DPP9: variants seen among roughly 807,000 people sequenced by gnomAD.
DPP9 encodes the protein dipeptidyl peptidase 9.
DPP9 carries 50 observed loss-of-function variants against 110.7 expected under a neutral mutation model. That is an observed-to-expected ratio of 0.45 (90% CI 0.36 to 0.57). The LOEUF is 0.57. Among genes scored for constraint, DPP9 ranks in the 20% least tolerant of loss-of-function variants. DPP9 has a pLI of 0.00. For missense variants in DPP9, 1,022 were observed against 1,217.9 expected (o/e 0.84, Z 2.39); for synonymous variants, 561 against 514.4 (o/e 1.09, Z -1.23).
chr19:4,708,014 A>C (rs2092671506), intron 4 of DPP9, among the ~76,000 whole-genome samples: 1 of 152,016 alleles, frequency 6.6e-6, no homozygotes, highest in Non-Finnish European at 1.5e-5. Flanking sequence ...TGCCATTTTT[A>C]TTTCTTGTTA....
rs537965740 is a variant in DPP9, at chr19:4,698,740, C to T, written c.1075-1089G>A. Among the ~76,000 whole-genome samples, 52 of 152,124 alleles carry T rather than the reference C, an allele frequency of 3.4e-4. No individual in the cohort carries two copies. Among genetic ancestry groups the T allele is most frequent in the African/African-American group, 1.2e-3 (50 of 41,508 alleles). The stretch of plus-strand genomic sequence containing the variant: ...ACTCCAGCCTAGACGACAGTGAGAC[C>T]CTGTCTCAAAAAACAAGAACAAACA... On this transcript the variant is annotated intron_variant, in intron 10 of 21. Transcript: ENST00000262960. This position sits in a 1 kb window ranked among gnomAD's most constrained non-coding sequence, Gnocchi z 4.2.
In DPP9 at chr19:4,687,493, G is replaced by A. The variant is rs2090875009; in HGVS notation, c.1885+1264C>T. ...CTGGAACCCGGAGTCACCAATGCAG[G>A]GTCCTGGCCAACTTCCAGGTTCTGG... On this transcript the variant is annotated intron_variant, in intron 16 of 21. Coordinates refer to ENST00000262960, the MANE Select transcript of DPP9 (RefSeq NM_139159.5). The surrounding 1 kb of genome is among the most constrained non-coding windows in gnomAD (Gnocchi z 4.7). Among the ~76,000 whole-genome samples, 1 of 152,208 alleles carries A rather than the reference G, an allele frequency of 6.6e-6. No homozygotes were observed. The highest frequency in any genetic ancestry group is 6.5e-5 in the Admixed American group (1 of 15,280).
chr19:4,684,333 TGA>T lies in DPP9; in HGVS notation c.2178+328_2178+329del. On this transcript the variant is annotated intron_variant, in intron 18 of 21. Transcript: ENST00000262960. The surrounding 1 kb of genome is among the most constrained non-coding windows in gnomAD (Gnocchi z 4.8). ...TTGGACCTCCCAGCCTCCAGAACTGTGAGAGATTTTCGTTCTTTATAAATCCC... is the reference window on the plus strand; with the variant it reads ...TTGGACCTCCCAGCCTCCAGAACTGTGAGATTTTCGTTCTTTATAAATCCC... 1 of 339,222 alleles carries T rather than the reference TGA, an allele frequency of 2.9e-6. No homozygotes were observed. 21.0% of individuals were successfully genotyped at this position (339,222 alleles called of 1,614,324 possible).
Position 4,695,362 on chromosome 19 carries a change from C to A in DPP9, c.1353+16G>T. The A allele has an allele frequency of 6.5e-7, 1 of 1,544,976 alleles. No homozygotes were observed. The highest frequency in any genetic ancestry group is 8.7e-7 in the Non-Finnish European group (1 of 1,144,450). ...AGGGCCCAGGCGGGCATACAGCCAG[C>A]GCTTGCCCCGCTTACATTGATCCAG... On this transcript the variant is annotated intron_variant, in intron 12 of 21. Transcript: ENST00000262960. This position sits in a 1 kb window ranked among gnomAD's most constrained non-coding sequence, Gnocchi z 4.7.
chr19:4,679,070 C>T (rs1022157749), intron 21 of DPP9, among the ~76,000 whole-genome samples: 3 of 130,402 alleles, frequency 2.3e-5, no homozygotes, highest in African/African-American at 9.9e-5. Flanking sequence ...TTACTGAGGG[C>T]CCCCCCTCCT....
At position 4,700,985 on chromosome 19, in the gene DPP9, G is replaced by A. The variant is rs890205707; in HGVS notation, c.1013-708C>T. ...CTGACTTAGCTCATTTGCAGTGGGA[G>A]TTGGAAAGACCGTACAGGAAGCTTC... On this transcript the variant is annotated intron_variant, in intron 9 of 21. Transcript: ENST00000262960. This position sits in a 1 kb window ranked among gnomAD's most constrained non-coding sequence, Gnocchi z 4.3. 8.5e-5 allele frequency among the ~76,000 whole-genome samples: 13 copies of A among 152,190 alleles called. No homozygotes were observed. Among genetic ancestry groups the A allele is most frequent in the African/African-American group, 3.1e-4 (13 of 41,450 alleles).
chr19:4,712,464 T>C (rs897526728), intron 4 of DPP9, among the ~76,000 whole-genome samples: 1 of 151,970 alleles, frequency 6.6e-6, no homozygotes, highest in Non-Finnish European at 1.5e-5. Flanking sequence ...GTTGGGATGA[T>C]CACCTGAGCC....
At chr19:4,717,197 C>G (rs962315095) in intron 3 of DPP9, among the ~76,000 whole-genome samples, 1 of 152,200 alleles carries the variant, frequency 6.6e-6, no homozygotes, top group Non-Finnish European at 1.5e-5. Context: ...TTCAGCTCCT[C>G]CTGAGACAGA....
chr19:4,697,600 G>A lies in DPP9; in HGVS notation c.1126C>T (p.Pro376Ser). The part of the protein sequence containing the change: ...ELVQPFSSLF[P>S]KVEYIARAGW... ...GCCCTGGCGATGTACTCCACCTTCG[G>A]GAACAGCGAGCTGAAGGGCTGCACC... is the stretch of plus-strand genomic sequence containing the variant. Residue 376 changes from proline to serine, a missense_variant, in exon 11 of 22, where the codon CCG becomes TCG. By Grantham distance (74) the Pro-to-Ser change is moderately conservative (BLOSUM62 -1). Transcript: ENST00000262960. 1 of 1,613,904 alleles carries A rather than the reference G, an allele frequency of 6.2e-7. No individual in the cohort carries two copies. Among genetic ancestry groups the A allele is most frequent in the Non-Finnish European group, 8.5e-7 (1 of 1,179,860 alleles).
chr19:4,722,269 TC>T (rs1403278405), intron 2 of DPP9: 6 of 526,906 alleles, frequency 1.1e-5, no homozygotes, highest in Non-Finnish European at 1.7e-5. Context: ...CCCCTTCCTC[TC>T]CTCAAAGCCT....
Position 4,700,385 on chromosome 19 carries a change from A to C in DPP9, c.1013-108T>G. 1 of 811,576 alleles carries C rather than the reference A, an allele frequency of 1.2e-6. No individual in the cohort carries two copies. 50.3% of individuals were successfully genotyped at this position (811,576 alleles called of 1,614,324 possible). On this transcript the variant is annotated intron_variant, in intron 9 of 21. Coordinates refer to ENST00000262960, the MANE Select transcript of DPP9 (RefSeq NM_139159.5). The surrounding 1 kb of genome is among the most constrained non-coding windows in gnomAD (Gnocchi z 4.3). ...GGTGACGTCCACAGAGAGGTGTACA[A>C]TTGGAGTGGGGGAGGCAGGAGAAGC...
intron 4 of DPP9, among the ~76,000 whole-genome samples, chr19:4,712,251 C>G (rs1024928785): frequency 6.6e-5 from 10 of 152,182 alleles, no homozygotes; most frequent in African/African-American, 2.2e-4. Context: ...GGCCAGCATT[C>G]TTAAAGGCCC....
chr19:4,689,615 T>C lies in DPP9; in HGVS notation c.1704A>G (p.Val568=). 4.4e-6 allele frequency: 7 copies of C among 1,574,398 alleles called. No individual in the cohort carries two copies. The highest frequency in any genetic ancestry group is 5.2e-6 in the Non-Finnish European group (6 of 1,160,706). ...GGGAGAAGCCGGGCGTGGTGAGGCG[T>C]ACGATCTCGCCGGCCGCCTCATAGC... ...VVSYEAAGEI[V]RLTTPGFSHS... is the part of the protein sequence containing the mutation. The change falls in exon 15 of 22, where the codon GTA becomes GTG. Residue 568 remains valine, a synonymous_variant. Coordinates refer to ENST00000262960, the MANE Select transcript of DPP9 (RefSeq NM_139159.5). This position sits in a 1 kb window ranked among gnomAD's most constrained non-coding sequence, Gnocchi z 7.0.
At chr19:4,679,076 C>G (rs903676221) in intron 21 of DPP9, among the ~76,000 whole-genome samples, 5 of 151,294 alleles carry the variant, frequency 3.3e-5, no homozygotes, top group Non-Finnish European at 7.4e-5. Flanking sequence ...AGGGCCCCCC[C>G]TCCTCTACAG....
chr19:4,720,550 T>C (rs989650355), intron 2 of DPP9, among the ~76,000 whole-genome samples: 2 of 152,160 alleles, frequency 1.3e-5, no homozygotes, highest in African/African-American at 2.4e-5. Flanking sequence ...CAGACGCTGA[T>C]ACAATGGCCT....
rs2092478948 is a variant in DPP9, at chr19:4,704,601, A to C, written c.427-297T>G. ...AGTTCCCTCCCCACAGACCCTCTCC[A>C]TAGCAGATGGGGGCCCCTGGGAGGG... On this transcript the variant is annotated intron_variant, in intron 5 of 21. Coordinates refer to ENST00000262960, the MANE Select transcript of DPP9 (RefSeq NM_139159.5). The surrounding 1 kb of genome is among the most constrained non-coding windows in gnomAD (Gnocchi z 6.0). Among the ~76,000 whole-genome samples, 1 of 152,138 alleles carries C rather than the reference A, an allele frequency of 6.6e-6. No individual in the cohort carries two copies. The highest frequency in any genetic ancestry group is 1.5e-5 in the Non-Finnish European group (1 of 68,000).
In DPP9 at chr19:4,676,954, C is replaced by T. The variant is rs958977766; in HGVS notation, c.2587-298G>A. ...AAAGATTTAGGAAGAAACCGTTTGC[C>T]TCTTTCCCCCAAACCGGCTGACGGG... On this transcript the variant is annotated intron_variant, in intron 21 of 21. Transcript: ENST00000262960. This position sits in a 1 kb window ranked among gnomAD's most constrained non-coding sequence, Gnocchi z 4.0. Among the ~76,000 whole-genome samples the T allele has an allele frequency of 6.6e-6, 1 of 152,186 alleles. No homozygotes were observed. The highest frequency in any genetic ancestry group is 1.5e-5 in the Non-Finnish European group (1 of 68,048).
At chr19:4,723,121 C>T (rs1322183279) in intron 1 of DPP9, among the ~76,000 whole-genome samples, 1 of 152,140 alleles carries the variant, frequency 6.6e-6, no homozygotes, top group African/African-American at 2.4e-5. Flanking sequence ...TCTGGATACC[C>T]TTAATAGAGG....
At chr19:4,722,986 G>A (rs2093387485) in intron 1 of DPP9, among the ~76,000 whole-genome samples, 3 of 152,232 alleles carry the variant, frequency 2.0e-5, no homozygotes, top group African/African-American at 4.8e-5. Context: ...GTGGGAAGAA[G>A]GTAGGCGGTT....
Sources: allele counts gnomAD v4.1 joint callset (sites outside exome capture counted in the v4.1 genomes callset), GRCh38; gene constraint gnomAD v4.1.1; non-coding constraint Gnocchi (gnomAD v3.1); transcripts MANE v1.5; gene names NCBI Gene and HGNC (gene_info 2026-07-23, HGNC 2026-07-21).